TM2D1: variants seen among roughly 807,000 people sequenced by gnomAD.
The protein encoded by TM2D1 is TM2 domain-containing protein 1.
Under a neutral mutation model 28.4 loss-of-function variants are expected in TM2D1, and 15 were observed. The ratio of observed to expected loss-of-function variants is 0.53; its 90% confidence interval spans 0.35 to 0.81. The LOEUF (loss-of-function observed/expected upper bound fraction) is 0.81. Ranked by LOEUF, TM2D1 falls within the 40% of genes least tolerant of loss-of-function variation. The pLI, the probability that TM2D1 is intolerant of heterozygous loss-of-function variation, is 0.01. For missense variants in TM2D1, 236 were observed against 254.9 expected, an observed-to-expected ratio of 0.93 and a Z score of 0.50; for synonymous variants, 93 against 96.2, an observed-to-expected ratio of 0.97 and a Z score of 0.20.
chr1:61,717,130 T>C (rs1611797), intron 2 of TM2D1, among the ~76,000 whole-genome samples: 52,373 of 151,444 alleles, frequency 0.35, 10,917 homozygotes, highest in African/African-American at 0.59. Context: ...CAGCGGATCA[T>C]GAGGTCAGGA....
chr1:61,709,885 C>T (rs1197827845), intron 2 of TM2D1, among the ~76,000 whole-genome samples: 1 of 152,096 alleles, frequency 6.6e-6, no homozygotes, highest in Admixed American at 6.6e-5. Context: ...ATAATTGTTG[C>T]CATAAATTAT....
chr1:61,684,010 T>C (rs891981203), intron 5 of TM2D1, among the ~76,000 whole-genome samples: 1 of 152,184 alleles, frequency 6.6e-6, no homozygotes, highest in African/African-American at 2.4e-5. Context: ...CAAACTACTA[T>C]ATCCATGGGA....
At chr1:61,700,269 C>G (rs1644392120) in intron 4 of TM2D1, 11 of 1,495,664 alleles carry the variant, frequency 7.4e-6, no homozygotes, top group Non-Finnish European at 8.9e-6. Flanking sequence ...GTGACAGTTT[C>G]CTTACCTGTT....
intron 3 of TM2D1, among the ~76,000 whole-genome samples, chr1:61,703,410 A>G (rs1473562223): frequency 7.1e-6 from 1 of 140,368 alleles, no homozygotes; most frequent in Non-Finnish European, 1.5e-5. Flanking sequence ...TATGTTTCAC[A>G]TAATTTTTTT....
chr1:61,709,248 T>A, intron 3 of TM2D1, 81 bp downstream of exon 3: 2 of 848,780 alleles, frequency 2.4e-6, no homozygotes, highest in Non-Finnish European at 3.9e-6. Context: ...ATAGTCCCCA[T>A]AAATTATCTC....
At position 61,725,114 on chromosome 1, in the gene TM2D1, C is replaced by T. The variant is rs1431763707; in HGVS notation, c.7G>A (p.Ala3Thr). Residue 3 changes from alanine (A) to threonine (T), a missense_variant, in exon 1 of 7, where the codon GCC becomes ACC. Ala to Thr is a moderately conservative substitution (Grantham distance 58). Around this residue, in one of 3 missense-constraint regions of TM2D1, gnomAD observed 167 missense variants for 162.7 expected, o/e 1.03. Coordinates refer to ENST00000606498, the MANE Select transcript of TM2D1 (RefSeq NM_032027.3). ...GCAGACGGACCAGACGGCCAGGCGG[C>T]CGCCATCTTGGAGACCGACACTTTC... The part of the protein sequence containing the change: MA[A>T]AWPSGPSAPE... The T allele has an allele frequency of 6.2e-7, 1 of 1,613,630 alleles. No homozygotes were observed. Among genetic ancestry groups the T allele is most frequent in the Admixed American group, 1.7e-5 (1 of 60,024 alleles).
intron 1 of TM2D1, 37 bp downstream of exon 1, chr1:61,724,920 C>A: frequency 6.5e-7 from 1 of 1,548,472 alleles, no homozygotes; most frequent in African/African-American, 1.4e-5. Context: ...CCAACTCTAC[C>A]TCGCCTCCAT....
chr1:61,688,208 G>T (rs555119817), intron 5 of TM2D1, among the ~76,000 whole-genome samples: 89 of 152,240 alleles, frequency 5.8e-4, no homozygotes, highest in Admixed American at 1.9e-3. Context: ...CTCAGAACCA[G>T]TTTAAGATAT....
At chr1:61,713,149 G>C (rs1250341587) in intron 2 of TM2D1, among the ~76,000 whole-genome samples, 1 of 144,580 alleles carries the variant, frequency 6.9e-6, no homozygotes, top group Non-Finnish European at 1.5e-5. Context: ...CAGCCAGGGA[G>C]ATAGAATGAG....
chr1:61,722,493 C>T lies in TM2D1; in HGVS notation c.238+1220G>A, dbSNP rs538537526. On this transcript the variant is annotated intron_variant, in intron 2 of 6. Coordinates refer to ENST00000606498, the MANE Select transcript of TM2D1 (RefSeq NM_032027.3). ...AAGCAATTATCCTGCCTCAGCCTCC[C>T]GAGTAGCTGGGATTACAGGTGCCCA... Among the ~76,000 whole-genome samples, 16 of 152,120 alleles carry T rather than the reference C, an allele frequency of 1.1e-4. No homozygotes were observed. In the South Asian group the frequency reaches 3.1e-3, roughly 30 times the overall value.
At chr1:61,721,947 C>G (rs899291282) in intron 2 of TM2D1, among the ~76,000 whole-genome samples, 1 of 96,350 alleles carries the variant, frequency 1.0e-5, no homozygotes, top group Non-Finnish European at 1.9e-5. Context: ...CTCATCTCTA[C>G]AGCTAAAAAA....
At chr1:61,699,868 C>G (rs1644389642) in intron 4 of TM2D1, 3 of 233,754 alleles carry the variant, frequency 1.3e-5, no homozygotes, top group Non-Finnish European at 1.6e-5. Context: ...TACTTCATGA[C>G]TTTTACTTAG....
intron 2 of TM2D1, among the ~76,000 whole-genome samples, chr1:61,719,686 G>C (rs1017408899): frequency 4.6e-5 from 7 of 152,070 alleles, no homozygotes; most frequent in Admixed American, 1.3e-4. Context: ...GTAGAGACGG[G>C]GTTTCTCCAT....
chr1:61,725,091 A>T lies in TM2D1; in HGVS notation c.30T>A (p.Ser10=). ...GTCTGGCCGTCACGGCCTCCGGAGCAGACGGACCAGACGGCCAGGCGGCCG... is the reference window on the plus strand; with the variant it reads ...GTCTGGCCGTCACGGCCTCCGGAGCTGACGGACCAGACGGCCAGGCGGCCG... The part of the protein sequence containing the change: MAAAWPSGP[S]APEAVTARLV... Residue 10 remains serine, a synonymous_variant, in exon 1 of 7, where the codon TCT becomes TCA. Transcript: ENST00000606498. 6.2e-7 allele frequency: 1 copy of T among 1,613,722 alleles called. No homozygotes were observed. The highest frequency in any genetic ancestry group is 8.5e-7 in the Non-Finnish European group (1 of 1,179,892).
chr1:61,695,211 C>T (rs938740897), intron 4 of TM2D1, among the ~76,000 whole-genome samples: 3 of 151,594 alleles, frequency 2.0e-5, no homozygotes, highest in African/African-American at 7.3e-5. Flanking sequence ...AAAAAAAAAT[C>T]AGGAAAAAAC....
At chr1:61,707,988 A>G (rs1412428486) in intron 3 of TM2D1, among the ~76,000 whole-genome samples, 5 of 152,244 alleles carry the variant, frequency 3.3e-5, no homozygotes, top group African/African-American at 9.6e-5. Flanking sequence ...TGTTTTTAGT[A>G]CAAAGCAGGA....
At chr1:61,692,669 G>A (rs759206017) in intron 5 of TM2D1, among the ~76,000 whole-genome samples, 2 of 152,182 alleles carry the variant, frequency 1.3e-5, no homozygotes, top group Non-Finnish European at 2.9e-5. Flanking sequence ...GCTGAGATGA[G>A]AGGATCGCTT....
At position 61,681,582 on chromosome 1, in the gene TM2D1, T is replaced by C. The variant is rs572246455; in HGVS notation, c.*20-232A>G. Among the ~76,000 whole-genome samples, 15 of 152,316 alleles carry C rather than the reference T, an allele frequency of 9.8e-5. No individual in the cohort carries two copies. In the South Asian group the frequency reaches 1.0e-3, roughly 11 times the overall value. ...CTGAATCTGGAATCCCACCTAAATG[T>C]TTACATAATAGGCTACCAAGAATGA... On this transcript the variant is annotated intron_variant, in intron 6 of 6. Coordinates refer to ENST00000606498, the MANE Select transcript of TM2D1 (RefSeq NM_032027.3).
intron 2 of TM2D1, among the ~76,000 whole-genome samples, chr1:61,721,069 A>AAAATAC (rs1432720899): frequency 6.6e-6 from 1 of 151,782 alleles, no homozygotes; most frequent in Non-Finnish European, 1.5e-5. Context: ...CCCCTCCAAA[A>AAAATAC]AAATACAAAA....
Sources: gnomAD v4.1 joint callset for allele counts (sites outside exome capture counted in the v4.1 genomes callset) on GRCh38, gnomAD v4.1.1 for gene constraint, gnomAD v4.1.1 regional missense constraint, MANE v1.5 for transcripts, NCBI Gene and HGNC (gene_info 2026-07-23, HGNC 2026-07-21) for gene names.